Variants in SLCO1B3 observed in about 807,000 individuals in gnomAD.
SLCO1B3 encodes solute carrier organic anion transporter family member 1B3.
SLCO1B3 carries 72 observed loss-of-function variants against 71.8 expected under a neutral mutation model. The observed-to-expected ratio is 1.00, with a 90% CI of 0.83 to 1.22. The LOEUF (loss-of-function observed/expected upper bound fraction) is 1.22. Among genes scored for constraint, SLCO1B3 ranks in the 50% most tolerant of loss-of-function variants. The pLI, the probability that SLCO1B3 is intolerant of heterozygous loss-of-function variation, is 0.00. For synonymous variants in SLCO1B3, 298 were observed against 278.4 expected, an observed-to-expected ratio of 1.07 and a Z score of -0.70; for missense variants, 911 against 819.7, an observed-to-expected ratio of 1.11 and a Z score of -1.36.
At chr12:20,848,530 A>G (rs889970529) in intron 3 of SLCO1B3, among the ~76,000 whole-genome samples, 3 of 152,324 alleles carry the variant, frequency 2.0e-5, no homozygotes, top group Middle Eastern at 3.4e-3. Context: ...AAAAGCCTGC[A>G]CACAAGTGTT....
At chr12:20,825,956 A>T (rs1308755308) in intron 3 of SLCO1B3, among the ~76,000 whole-genome samples, 1 of 152,156 alleles carries the variant, frequency 6.6e-6, no homozygotes, top group Non-Finnish European at 1.5e-5. Flanking sequence ...CTTAATAAGA[A>T]TAACGAATTA....
chr12:20,854,498 A>C (rs1336110376), intron 3 of SLCO1B3, among the ~76,000 whole-genome samples: 3 of 152,082 alleles, frequency 2.0e-5, no homozygotes, highest in African/African-American at 7.2e-5. Context: ...AGTTTTTCTG[A>C]TATGATTATG....
intron 11 of SLCO1B3, among the ~76,000 whole-genome samples, chr12:20,880,281 CT>C: frequency 6.6e-6 from 1 of 151,120 alleles, no homozygotes; most frequent in Admixed American, 6.6e-5. Context: ...ATTTTTTATC[CT>C]TTTTCAACTA....
Position 20,860,597 on chromosome 12 carries a change from CTTTGTGTG to C in SLCO1B3, c.360-418_360-411del, listed in dbSNP as rs1482517658. Among the ~76,000 whole-genome samples the C allele has an allele frequency of 5.1e-4, 41 of 80,212 alleles. 1 individual carries two copies. The highest frequency in any genetic ancestry group is 1.5e-3 in the South Asian group (4 of 2,732). The allele number at this position is 80,212 out of a possible 152,430, so 52.6% of individuals were successfully genotyped here. On this transcript the variant is annotated intron_variant, in intron 5 of 15. Coordinates refer to ENST00000381545, the MANE Select transcript of SLCO1B3 (RefSeq NM_019844.4). ...TTATTGAGTTTTGAAAAGTCAAGCA[CTTTGTGTG>C]TGTGTGTGTGTGTGTGTGTGTGTGT...
intron 9 of SLCO1B3, among the ~76,000 whole-genome samples, chr12:20,876,005 A>G (rs1365913237): frequency 6.6e-6 from 1 of 151,754 alleles, no homozygotes; most frequent in African/African-American, 2.4e-5. Flanking sequence ...AATTCAGGAG[A>G]GGAGTCTGTC....
intron 5 of SLCO1B3, among the ~76,000 whole-genome samples, chr12:20,859,365 C>T (rs538151078): frequency 6.6e-6 from 1 of 152,248 alleles, no homozygotes; most frequent in South Asian, 2.1e-4. Context: ...AAACCAACTT[C>T]TGTTACTATG....
chr12:20,850,853 T>C lies in SLCO1B3; in HGVS notation c.85-4175T>C, dbSNP rs116391116. Among the ~76,000 whole-genome samples the C allele has an allele frequency of 4.6e-3, 701 of 152,348 alleles. 4 individuals are homozygous for C. Among genetic ancestry groups the C allele is most frequent in the African/African-American group, 0.015 (629 of 41,582 alleles). On this transcript the variant is annotated intron_variant, in intron 3 of 15. Coordinates refer to ENST00000381545, the MANE Select transcript of SLCO1B3 (RefSeq NM_019844.4). ...CAATTGCTGGGTTGAATGATAATTC[T>C]ATTTTAAGTTCTTTGAGAAATTGCC...
intron 3 of SLCO1B3, among the ~76,000 whole-genome samples, chr12:20,826,680 A>G (rs570782318): frequency 1.6e-4 from 17 of 104,352 alleles, no homozygotes; most frequent in African/African-American, 4.9e-4. Context: ...CAGTCATTTT[A>G]GAAAAAAAAA....
chr12:20,830,631 G>A (rs182491211), intron 3 of SLCO1B3, among the ~76,000 whole-genome samples: 92 of 152,216 alleles, frequency 6.0e-4, no homozygotes, highest in Admixed American at 2.4e-3. Flanking sequence ...GCTTCATTTT[G>A]TTTCTTTTGG....
intron 3 of SLCO1B3, among the ~76,000 whole-genome samples, chr12:20,820,518 G>C (rs1454067506): frequency 1.3e-5 from 2 of 152,172 alleles, no homozygotes; most frequent in Admixed American, 1.3e-4. Flanking sequence ...TGAGGTTCAG[G>C]CGTTTGGAAG....
At chr12:20,833,865 T>C (rs1437928585) in intron 3 of SLCO1B3, among the ~76,000 whole-genome samples, 1 of 142,448 alleles carries the variant, frequency 7.0e-6, no homozygotes, top group African/African-American at 2.5e-5. Context: ...ATACTCTATA[T>C]ACTATATATA....
In SLCO1B3 at chr12:20,915,997, T is replaced by C. The variant is rs908464362; in HGVS notation, c.1866-7T>C. On this transcript the variant is annotated splice_polypyrimidine_tract_variant and splice_region_variant and intron_variant, in intron 15 of 15. Transcript: ENST00000381545. The stretch of plus-strand genomic sequence containing the variant: ...AATAATCGACTCTCTATTTTCTCTT[T>C]TCACAGAAGGGTCTACTTGGGCTTA... 1.2e-5 allele frequency: 19 copies of C among 1,575,386 alleles called. No individual in the cohort carries two copies. Among genetic ancestry groups the C allele is most frequent in the Non-Finnish European group, 1.3e-5 (15 of 1,159,546 alleles).
chr12:20,876,606 G>T (rs1172538461), intron 9 of SLCO1B3, among the ~76,000 whole-genome samples: 1 of 151,930 alleles, frequency 6.6e-6, no homozygotes, highest in Non-Finnish European at 1.5e-5. Flanking sequence ...CAGCTGCGTT[G>T]GTAGCTTGAA....
At chr12:20,851,837 G>T (rs865887281) in intron 3 of SLCO1B3, among the ~76,000 whole-genome samples, 2 of 152,106 alleles carry the variant, frequency 1.3e-5, no homozygotes, top group African/African-American at 4.8e-5. Context: ...TTCACATATG[G>T]TGTAAGACAA....
chr12:20,848,012 AATC>A (rs756051979), intron 3 of SLCO1B3, among the ~76,000 whole-genome samples: 11 of 152,126 alleles, frequency 7.2e-5, no homozygotes, highest in Non-Finnish European at 1.3e-4. Flanking sequence ...CTAGAATGGG[AATC>A]ATCATGTACA....
chr12:20,897,909 G>A (rs548748109), intron 13 of SLCO1B3, among the ~76,000 whole-genome samples: 1 of 152,296 alleles, frequency 6.6e-6, no homozygotes, highest in Non-Finnish European at 1.5e-5. Flanking sequence ...TAGCTTTAAT[G>A]TGACAGTCAA....
At chr12:20,816,658 A>G (rs1442810975) in intron 3 of SLCO1B3, among the ~76,000 whole-genome samples, 1 of 152,196 alleles carries the variant, frequency 6.6e-6, no homozygotes, top group Non-Finnish European at 1.5e-5. Flanking sequence ...TGCAACAAAC[A>G]TGGAAGTACA....
At chr12:20,882,234 G>T (rs913171267) in intron 12 of SLCO1B3, among the ~76,000 whole-genome samples, 1 of 152,102 alleles carries the variant, frequency 6.6e-6, no homozygotes, top group East Asian at 1.9e-4. Context: ...CTACTGCAAA[G>T]TTCCTTTACT....
chr12:20,838,163 G>C (rs1343886267), intron 3 of SLCO1B3, among the ~76,000 whole-genome samples: 1 of 149,950 alleles, frequency 6.7e-6, no homozygotes, highest in Non-Finnish European at 1.5e-5. Flanking sequence ...TAAGTTTTAG[G>C]GTACATGTGC....
Sources: gnomAD v4.1 joint callset for allele counts (sites outside exome capture counted in the v4.1 genomes callset) on GRCh38, gnomAD v4.1.1 for gene constraint, MANE v1.5 for transcripts, NCBI Gene and HGNC (gene_info 2026-07-23, HGNC 2026-07-21) for gene names.